FBXL17: variants seen among roughly 807,000 people sequenced by gnomAD.
The protein encoded by FBXL17 is F-box/LRR-repeat protein 17.
In FBXL17, 22 loss-of-function variants were observed where a neutral mutation model predicts 66.2. The observed-to-expected ratio is 0.33, with a 90% CI of 0.24 to 0.47. FBXL17 has a LOEUF of 0.47. FBXL17 is among the 20% of genes least tolerant of loss of function. The pLI is 1.00. For synonymous variants in FBXL17, 474 were observed against 400.5 expected (o/e 1.18, Z -2.19); for missense variants, 878 against 948.2 (o/e 0.93, Z 0.97).
chr5:108,364,978 C>T lies in FBXL17; in HGVS notation c.1134G>A (p.Leu378=), dbSNP rs918611816. ...SSRQQVTDEL[L]EKIASRSQNI... Reference sequence around the variant, plus strand: ...TCTGACTTCTTGATGCAATTTTTTCCAACAATTCATCAGTGACCTGTAAGA... The same window carrying T: ...TCTGACTTCTTGATGCAATTTTTTCTAACAATTCATCAGTGACCTGTAAGA... The change falls in exon 3 of 9, where the codon TTG becomes TTA. Residue 378 remains leucine (L), a synonymous_variant. Transcript: ENST00000542267. 9 of 1,609,138 alleles carry T rather than the reference C, an allele frequency of 5.6e-6. No homozygotes were observed. The highest frequency in any genetic ancestry group is 7.6e-6 in the Non-Finnish European group (9 of 1,176,546).
chr5:108,219,928 C>CTTTTTTTTTTTTTTTTATTTTTTTT (rs1754780836), intron 5 of FBXL17, among the ~76,000 whole-genome samples: 1 of 37,432 alleles, frequency 2.7e-5, no homozygotes, highest in Admixed American at 3.5e-4. Flanking sequence ...TTACTATTTC[C>CTTTTTTTTTTTTTTTTATTTTTTTT]TTTTTTTTTT....
chr5:108,190,792 T>A (rs575193146), intron 5 of FBXL17, among the ~76,000 whole-genome samples: 29 of 152,302 alleles, frequency 1.9e-4, no homozygotes, highest in African/African-American at 7.0e-4. Flanking sequence ...AAAATCACCA[T>A]TTTTTTAAAC....
chr5:108,291,674 G>A (rs945161952), intron 4 of FBXL17, among the ~76,000 whole-genome samples: 9 of 152,120 alleles, frequency 5.9e-5, no homozygotes, highest in African/African-American at 1.9e-4. Context: ...ATCCAACTGC[G>A]TACTAGACAT....
intron 7 of FBXL17, among the ~76,000 whole-genome samples, chr5:107,886,495 C>T (rs1039664817): frequency 4.0e-5 from 6 of 151,852 alleles, no homozygotes; most frequent in African/African-American, 9.7e-5. Flanking sequence ...TCAGCCATTT[C>T]GTAGAGAAAT....
chr5:108,014,086 A>G (rs1754286148), intron 7 of FBXL17, among the ~76,000 whole-genome samples: 1 of 152,072 alleles, frequency 6.6e-6, no homozygotes, highest in Non-Finnish European at 1.5e-5. Context: ...CAAGAGTACT[A>G]TGCAGTGAGG....
intron 6 of FBXL17, among the ~76,000 whole-genome samples, chr5:108,039,653 A>G (rs1398682979): frequency 2.0e-5 from 3 of 152,180 alleles, no homozygotes; most frequent in African/African-American, 7.2e-5. Flanking sequence ...ATCAGTTTTC[A>G]TAGTATATAA....
chr5:107,907,295 T>C (rs1749793574), intron 7 of FBXL17, among the ~76,000 whole-genome samples: 1 of 152,138 alleles, frequency 6.6e-6, no homozygotes, highest in Non-Finnish European at 1.5e-5. Flanking sequence ...TCTAGTTATG[T>C]TGGTTAAAGA....
chr5:107,860,934 C>G lies in FBXL17; in HGVS notation c.*786G>C, dbSNP rs1282526406. ...AAAATATATCCTGACCAGTTACTAT[C>G]CAGGAAATAAAAGCTAACACAATGT... On this transcript the variant is annotated 3_prime_UTR_variant, in exon 9 of 9. Transcript: ENST00000542267. 6.6e-6 allele frequency: 1 copy of G among 152,142 alleles called. No individual in the cohort carries two copies. Among genetic ancestry groups the G allele is most frequent in the East Asian group, 1.9e-4 (1 of 5,202 alleles). 9.4% of individuals were successfully genotyped at this position (152,142 alleles called of 1,614,324 possible). A position where few individuals can be genotyped will look rare whatever the true frequency, so the allele number is the denominator to read the frequency against.
intron 8 of FBXL17, among the ~76,000 whole-genome samples, chr5:107,871,948 T>C (rs1748470621): frequency 6.6e-6 from 1 of 152,180 alleles, no homozygotes; most frequent in African/African-American, 2.4e-5. Context: ...AATGGCTTTC[T>C]TGGTTTCAGT....
Position 107,961,191 on chromosome 5 carries a change from CTTTCTTTT to C in FBXL17, c.1822+59726_1822+59733del, listed in dbSNP as rs992172229. On this transcript the variant is annotated intron_variant, in intron 7 of 8. Coordinates refer to ENST00000542267, the MANE Select transcript of FBXL17 (RefSeq NM_001163315.3). ...GCTGCTTTTTTCTTTTCTTTTCTTT[CTTTCTTTT>C]TTTCTTTTTCTTTTCTTTTTTTGGG... Among the ~76,000 whole-genome samples the C allele has an allele frequency of 2.6e-5, 4 of 151,736 alleles. 1 individual carries two copies. The highest frequency in any genetic ancestry group is 4.8e-5 in the African/African-American group (2 of 41,320).
chr5:108,320,242 C>A (rs1054233698), intron 4 of FBXL17, among the ~76,000 whole-genome samples: 18 of 151,354 alleles, frequency 1.2e-4, no homozygotes, highest in Non-Finnish European at 1.3e-4. Flanking sequence ...GCATACAGAC[C>A]CAAAGTGGCC....
At chr5:108,236,492 G>T (rs2150093450) in intron 4 of FBXL17, among the ~76,000 whole-genome samples, 1 of 151,328 alleles carries the variant, frequency 6.6e-6, no homozygotes, top group African/African-American at 2.4e-5. Context: ...CAGCCTGGGT[G>T]ACAGAGCAAG....
At chr5:107,953,947 C>T (rs1011206085) in intron 7 of FBXL17, among the ~76,000 whole-genome samples, 1 of 152,192 alleles carries the variant, frequency 6.6e-6, no homozygotes, top group African/African-American at 2.4e-5. Flanking sequence ...ATATATCTTA[C>T]TGTGTCACTA....
At chr5:108,041,407 T>TTTTTTTG (rs1747040771) in intron 6 of FBXL17, among the ~76,000 whole-genome samples, 1 of 151,788 alleles carries the variant, frequency 6.6e-6, no homozygotes, top group African/African-American at 2.4e-5. Context: ...TGCCTTTTTG[T>TTTTTTTG]TTTTTTGTTT....
At chr5:108,218,019 T>TC (rs1554076008) in intron 5 of FBXL17, among the ~76,000 whole-genome samples, 8 of 68,414 alleles carry the variant, frequency 1.2e-4, no homozygotes, top group African/African-American at 4.3e-4. Flanking sequence ...TTTTTTTCTT[T>TC]TTTTTTTTTT....
intron 6 of FBXL17, among the ~76,000 whole-genome samples, chr5:108,066,705 C>T (rs891721351): frequency 6.6e-6 from 1 of 151,708 alleles, no homozygotes; most frequent in Non-Finnish European, 1.5e-5. Flanking sequence ...ATTATTTTAT[C>T]TTTTCTATAA....
chr5:108,017,625 T>C (rs988221324), intron 7 of FBXL17, among the ~76,000 whole-genome samples: 10 of 152,192 alleles, frequency 6.6e-5, no homozygotes, highest in Admixed American at 6.6e-4. Context: ...AGAAAATAAG[T>C]GGCAAAGCTG....
At chr5:107,938,474 G>A (rs1247121152) in intron 7 of FBXL17, among the ~76,000 whole-genome samples, 2 of 152,018 alleles carry the variant, frequency 1.3e-5, no homozygotes, top group African/African-American at 2.4e-5. Flanking sequence ...AGTGACATCG[G>A]TCTTCACAAA....
intron 4 of FBXL17, among the ~76,000 whole-genome samples, chr5:108,287,093 C>T (rs1456179908): frequency 6.6e-6 from 1 of 151,908 alleles, no homozygotes; most frequent in Non-Finnish European, 1.5e-5. Flanking sequence ...AACTGGATCC[C>T]TTCCTTACAC....
Sources: gnomAD v4.1 joint callset for allele counts (sites outside exome capture counted in the v4.1 genomes callset) on GRCh38, gnomAD v4.1.1 for gene constraint, MANE v1.5 for transcripts, NCBI Gene and HGNC (gene_info 2026-07-23, HGNC 2026-07-21) for gene names.